Variants in MAGI2 observed in about 807,000 individuals in gnomAD.
MAGI2 encodes the protein membrane-associated guanylate kinase, WW and PDZ domain-containing protein 2.
MAGI2 carries 35 observed loss-of-function variants against 133.3 expected under a neutral mutation model. The observed-to-expected ratio is 0.26, with a 90% CI of 0.20 to 0.35. The LOEUF is 0.35. MAGI2 is among the 10% of genes least tolerant of loss of function. MAGI2 has a pLI of 1.00. For synonymous variants in MAGI2, 729 were observed against 710.6 expected (o/e 1.03, Z -0.41); for missense variants, 1,636 against 1,863.4 (o/e 0.88, Z 2.25).
chr7:79,444,988 C>G lies in MAGI2; in HGVS notation c.301+8032G>C, dbSNP rs1848743271. ...AGAGATATAGACCAATGGAACAGAA[C>G]AGAGCCCTCAGAAATAATGCCGCAT... On this transcript the variant is annotated intron_variant, in intron 1 of 21. Transcript: ENST00000354212. Among the ~76,000 whole-genome samples, 4 of 152,220 alleles carry G rather than the reference C, an allele frequency of 2.6e-5. 1 individual carries two copies. In the South Asian group the frequency reaches 8.3e-4, roughly 32 times the overall value.
intron 21 of MAGI2, among the ~76,000 whole-genome samples, chr7:78,057,111 G>A (rs999799808): frequency 1.3e-5 from 2 of 150,218 alleles, no homozygotes; most frequent in African/African-American, 2.4e-5. Context: ...TGGATTATAT[G>A]GTAATTCCAT....
chr7:78,095,730 C>A (rs1817635442), intron 20 of MAGI2, among the ~76,000 whole-genome samples: 1 of 152,118 alleles, frequency 6.6e-6, no homozygotes, highest in Non-Finnish European at 1.5e-5. Flanking sequence ...TCTGTTATCC[C>A]AAGCTCCCAA....
chr7:78,019,598 C>A lies in MAGI2; in HGVS notation c.4085G>T (p.Arg1362Leu). The A allele has an allele frequency of 1.0e-6, 1 of 981,236 alleles. No homozygotes were observed. The highest frequency in any genetic ancestry group is 1.2e-6 in the Non-Finnish European group (1 of 828,802). The allele number at this position is 981,236 out of a possible 1,614,324, so 60.8% of individuals were successfully genotyped here. The change falls in exon 22 of 22, where the codon CGG (arginine) becomes CTG (leucine). Residue 1362 changes from arginine (R) to leucine (L), a missense_variant. Transcript: ENST00000354212. Reference protein sequence around the residue: ...LAAADAADAARAGGKEAPRAA... With the variant: ...LAAADAADAALAGGKEAPRAA... ...ACGGGGCGCCTCCTTCCCGCCCGCC[C>A]GCGCCGCGTCCGCCGCGTCTGCCGC...
chr7:78,180,236 G>A (rs1022038039), intron 13 of MAGI2, among the ~76,000 whole-genome samples: 1 of 152,140 alleles, frequency 6.6e-6, no homozygotes, highest in Non-Finnish European at 1.5e-5. Flanking sequence ...TCTCACTTTT[G>A]CATCACCACT....
intron 2 of MAGI2, among the ~76,000 whole-genome samples, chr7:78,654,754 A>G (rs1227774726): frequency 2.2e-5 from 3 of 136,060 alleles, no homozygotes; most frequent in African/African-American, 8.1e-5. Flanking sequence ...TATATAGCAT[A>G]TATTTTGCAT....
intron 1 of MAGI2, among the ~76,000 whole-genome samples, chr7:79,189,279 C>T (rs1827441374): frequency 7.1e-6 from 1 of 141,238 alleles, no homozygotes; most frequent in Admixed American, 7.3e-5. Flanking sequence ...TCCTAGGAGC[C>T]TCATTCCTGT....
chr7:78,999,213 A>C (rs1039488909), intron 2 of MAGI2, among the ~76,000 whole-genome samples: 2 of 152,178 alleles, frequency 1.3e-5, no homozygotes, highest in African/African-American at 4.8e-5. Context: ...AGATTGTGTC[A>C]CAGCAGCAGA....
At chr7:79,120,820 C>G (rs1403669689) in intron 1 of MAGI2, among the ~76,000 whole-genome samples, 1 of 152,040 alleles carries the variant, frequency 6.6e-6, no homozygotes, top group Non-Finnish European at 1.5e-5. Flanking sequence ...TGATGCCGCA[C>G]TTTTCTCACC....
chr7:78,394,510 TTGCTC>T (rs1225244750), intron 6 of MAGI2, among the ~76,000 whole-genome samples: 1 of 152,152 alleles, frequency 6.6e-6, no homozygotes, highest in African/African-American at 2.4e-5. Context: ...CACATGTTGT[TTGCTC>T]TGCTTGGAGC....
At chr7:78,160,801 A>G (rs776280879) in intron 15 of MAGI2, among the ~76,000 whole-genome samples, 1 of 152,242 alleles carries the variant, frequency 6.6e-6, no homozygotes, top group Non-Finnish European at 1.5e-5. Flanking sequence ...TAGATGTATT[A>G]TAAGGAAGGC....
At chr7:79,436,988 A>T (rs1255095962) in intron 1 of MAGI2, among the ~76,000 whole-genome samples, 1 of 152,226 alleles carries the variant, frequency 6.6e-6, no homozygotes, top group East Asian at 1.9e-4. Context: ...AATGTGGTAC[A>T]TATACACCAT....
chr7:79,243,244 A>C (rs1832563158), intron 1 of MAGI2, among the ~76,000 whole-genome samples: 1 of 142,650 alleles, frequency 7.0e-6, no homozygotes, highest in Non-Finnish European at 1.6e-5. Context: ...CAATAGACGT[A>C]TGATCTACAC....
At chr7:78,209,514 G>C (rs942442338) in intron 10 of MAGI2, among the ~76,000 whole-genome samples, 1 of 151,752 alleles carries the variant, frequency 6.6e-6, no homozygotes, top group Non-Finnish European at 1.5e-5. Context: ...GCCCACCATG[G>C]CTTCCCAAAG....
At chr7:79,420,463 T>C (rs1297415453) in intron 1 of MAGI2, among the ~76,000 whole-genome samples, 1 of 151,970 alleles carries the variant, frequency 6.6e-6, no homozygotes, top group African/African-American at 2.4e-5. Flanking sequence ...TTCTTAAGTG[T>C]ATTTTGTTTC....
intron 3 of MAGI2, among the ~76,000 whole-genome samples, chr7:78,529,619 A>G (rs1365538366): frequency 1.4e-5 from 2 of 144,430 alleles, no homozygotes; most frequent in East Asian, 2.0e-4. Flanking sequence ...ACATATATGG[A>G]ATTTAAATTT....
intron 1 of MAGI2, among the ~76,000 whole-genome samples, chr7:79,197,181 C>T (rs962843639): frequency 6.6e-6 from 1 of 151,852 alleles, no homozygotes; most frequent in Non-Finnish European, 1.5e-5. Flanking sequence ...CTAGTGGGTA[C>T]TTGTCATCTG....
chr7:79,100,906 T>A (rs1817918258), intron 1 of MAGI2, among the ~76,000 whole-genome samples: 1 of 151,938 alleles, frequency 6.6e-6, no homozygotes, highest in African/African-American at 2.4e-5. Flanking sequence ...TATCCAGTTG[T>A]TTCAGTAACA....
intron 7 of MAGI2, among the ~76,000 whole-genome samples, chr7:78,355,178 T>A (rs982928264): frequency 6.6e-6 from 1 of 152,226 alleles, no homozygotes; most frequent in African/African-American, 2.4e-5. Context: ...TATTTTCAAA[T>A]AACTTGTTTG....
intron 1 of MAGI2, among the ~76,000 whole-genome samples, chr7:79,163,582 T>G (rs1824617775): frequency 6.6e-6 from 1 of 152,042 alleles, no homozygotes; most frequent in African/African-American, 2.4e-5. Context: ...GAGATTAAAT[T>G]TGTTGAATTC....
Sources: gnomAD v4.1 joint callset for allele counts (sites outside exome capture counted in the v4.1 genomes callset) on GRCh38, gnomAD v4.1.1 for gene constraint, MANE v1.5 for transcripts, NCBI Gene and HGNC (gene_info 2026-07-23, HGNC 2026-07-21) for gene names.